The following LAMA5 variants were observed in gnomAD, a reference collection of about 807,000 sequenced individuals.
LAMA5 encodes the protein laminin subunit alpha 5.
A neutral mutation model predicts 433.4 loss-of-function variants in LAMA5; 260 were observed. The observed-to-expected ratio is 0.60, with a 90% CI of 0.54 to 0.66. The LOEUF is 0.66. Among genes scored for constraint, LAMA5 ranks in the 30% least tolerant of loss-of-function variants. The pLI is 0.00. For synonymous variants in LAMA5, 2,620 were observed against 2,226.6 expected (o/e 1.18, Z -4.97); for missense variants, 5,378 against 5,258.5 (o/e 1.02, Z -0.70).
At position 62,329,777 on chromosome 20, in the gene LAMA5, C is replaced by G; in HGVS notation, c.4119G>C (p.Leu1373=). Residue 1373 remains leucine, a splice_region_variant and synonymous_variant, in exon 32 of 80, where the codon CTG becomes CTC. Transcript: ENST00000252999. The part of the protein sequence containing the change: ...VRVPKGRWLW[L]DYVLVVPENV... ...GAGCAGGACATCAGCTGGGACTCAC[C>G]AGCCAGAGCCACCGGCCCTTGGGCA... 6.2e-7 allele frequency: 1 copy of G among 1,612,302 alleles called. No individual in the cohort carries two copies. The highest frequency in any genetic ancestry group is 8.5e-7 in the Non-Finnish European group (1 of 1,179,728).
rs559242884 is a variant in LAMA5 at position 62,336,967 on chromosome 20, G to T, written c.2165-181C>A. The T allele has an allele frequency of 6.4e-5, 45 of 704,530 alleles. 1 individual carries two copies. The African/African-American group carries it at 7.5e-4, about 12-fold the overall frequency. 43.6% of individuals were successfully genotyped at this position (704,530 alleles called of 1,614,324 possible). On this transcript the variant is annotated intron_variant, in intron 16 of 79. Coordinates refer to ENST00000252999, the MANE Select transcript of LAMA5 (RefSeq NM_005560.6). The stretch of plus-strand genomic sequence containing the variant: ...CTGCTCCCTCCGCAGCAACGGACGT[G>T]CCATCCCACCACACAGCACCTGCTC...
rs760649227 is a variant in LAMA5 at position 62,335,201 on chromosome 20, T to G, written c.2376+16A>C. 3.7e-6 allele frequency: 6 copies of G among 1,612,740 alleles called. No individual in the cohort carries two copies. The highest frequency in any genetic ancestry group is 5.1e-6 in the Non-Finnish European group (6 of 1,179,544). Reference sequence around the variant, plus strand: ...GTGTGCCCCCAAATCCCCCACACCTTGGTCCTCAGACTCACCGGCTGGCAC... The same window carrying G: ...GTGTGCCCCCAAATCCCCCACACCTGGGTCCTCAGACTCACCGGCTGGCAC... On this transcript the variant is annotated intron_variant, in intron 19 of 79. Transcript: ENST00000252999.
In LAMA5 at chr20:62,312,037, T is replaced by C; in HGVS notation, c.9518A>G (p.Gln3173Arg). ...CACACGGCCCTGCTGCAGGGACACC[T>C]GGCATAGCCCATCCTGGGGACGGCA... ...YYRASPDGLCQVSLQQGRVSL... is the reference protein window; with the variant it reads ...YYRASPDGLCRVSLQQGRVSL... Residue 3173 changes from glutamine (Q) to arginine (R), a missense_variant, in exon 70 of 80, where the codon CAG becomes CGG. Physicochemically the swap from Gln to Arg is conservative, Grantham distance 43. Transcript: ENST00000252999. 1.2e-6 allele frequency: 2 copies of C among 1,612,156 alleles called. No homozygotes were observed. The highest frequency in any genetic ancestry group is 1.3e-5 in the African/African-American group (1 of 75,036).
intron 26 of LAMA5, 117 bp downstream of exon 26, chr20:62,332,973 G>C: frequency 1.5e-6 from 2 of 1,291,392 alleles, no homozygotes; most frequent in South Asian, 1.7e-5. Context: ...CTGGGTGCTG[G>C]GCTCCATTGC....
At chr20:62,336,148 C>T (rs1981584449) in intron 18 of LAMA5, among the ~76,000 whole-genome samples, 192 bp downstream of exon 18, 1 of 150,806 alleles carries the variant, frequency 6.6e-6, no homozygotes. Context: ...ACCCCGCACC[C>T]CAACATTCCC....
intron 40 of LAMA5, 86 bp from the exon 41 acceptor site, chr20:62,325,632 G>A (rs1478869491): frequency 1.2e-5 from 10 of 857,076 alleles, no homozygotes; most frequent in Non-Finnish European, 1.8e-5. Flanking sequence ...ACCCTGTAGG[G>A]GATGGAGGGG....
rs1985715676 is a variant in LAMA5 at position 62,359,476 on chromosome 20, CCTG to C, written c.450+2921_450+2923del. Among the ~76,000 whole-genome samples, 1 of 8,182 alleles carries C rather than the reference CCTG, an allele frequency of 1.2e-4. No individual in the cohort carries two copies. Among genetic ancestry groups the C allele is most frequent in the Non-Finnish European group, 3.1e-4 (1 of 3,222 alleles). The allele number at this position is 8,182 out of a possible 152,430, so 5.4% of individuals were successfully genotyped here. On this transcript the variant is annotated intron_variant, in intron 2 of 79. Transcript: ENST00000252999. The surrounding 1 kb of genome is among the most constrained non-coding windows in gnomAD (Gnocchi z 4.3). Reference sequence around the variant, plus strand: ...ATGAACGCGCTCACCCTTCCCTGGGCCTGGGGCCTGGGGCCTGGGGCCTGGGTG... The same window carrying C: ...ATGAACGCGCTCACCCTTCCCTGGGCGGGCCTGGGGCCTGGGGCCTGGGTG...
intron 55 of LAMA5, 117 bp downstream of exon 55, chr20:62,317,228 C>T: frequency 2.4e-6 from 3 of 1,271,158 alleles, no homozygotes; most frequent in East Asian, 5.3e-5. Context: ...GAAGGCCTGG[C>T]TTCTTTGAGG....
intron 71 of LAMA5, 37 bp from the exon 72 acceptor site, chr20:62,311,573 G>A (rs759692469): frequency 5.6e-6 from 9 of 1,609,758 alleles, no homozygotes; most frequent in African/African-American, 5.3e-5. Flanking sequence ...AGCTGCGGAA[G>A]GCCAGCTGGG....
chr20:62,333,116 G>A lies in LAMA5; in HGVS notation c.3256C>T (p.Pro1086Ser). 6.8e-7 allele frequency: 1 copy of A among 1,470,918 alleles called. No homozygotes were observed. The highest frequency in any genetic ancestry group is 2.4e-5 in the East Asian group (1 of 41,034). 91.1% of individuals were successfully genotyped at this position (1,470,918 alleles called of 1,614,324 possible). Residue 1086 changes from proline to serine, a missense_variant, in exon 26 of 80, where the codon CCA becomes TCA. Physicochemically the swap from Pro to Ser is moderately conservative, Grantham distance 74 (BLOSUM62 -1). Transcript: ENST00000252999. Reference protein sequence around the residue: ...PTEQLSPSHPPLITCTGSDVD... With the variant: ...PTEQLSPSHPSLITCTGSDVD... ...TCACTGCCCGTGCAGGTGATCAGTG[G>A]CGGGTGCGACGGGCTGAGCTGCTCC...
In LAMA5 at chr20:62,311,547, C is replaced by T. The variant is rs748853334; in HGVS notation, c.9807-11G>A. 70 of 1,609,304 alleles carry T rather than the reference C, an allele frequency of 4.3e-5. No homozygotes were observed. Among genetic ancestry groups the T allele is most frequent in the East Asian group, 1.6e-4 (7 of 44,800 alleles). ...TGTGGGCCCAGGAGCCTGTGCAGGG[C>T]GGGCAGGCGGTCAGCAGCTGCGGAA... is the stretch of plus-strand genomic sequence containing the variant. On this transcript the variant is annotated splice_polypyrimidine_tract_variant and intron_variant, in intron 71 of 79. Coordinates refer to ENST00000252999, the MANE Select transcript of LAMA5 (RefSeq NM_005560.6).
rs1404876254 is a variant in LAMA5, at chr20:62,333,920, C to A, written c.2859G>T (p.Arg953Ser). The A allele has an allele frequency of 3.7e-5, 60 of 1,605,312 alleles. No individual in the cohort carries two copies. Among genetic ancestry groups the A allele is most frequent in the Non-Finnish European group, 4.9e-5 (58 of 1,175,218 alleles). Residue 953 changes from arginine (R) to serine (S), a missense_variant, in exon 23 of 80, where the codon AGG (arginine) becomes AGT (serine). By Grantham distance (110) the Arg-to-Ser change is moderately radical. Coordinates refer to ENST00000252999, the MANE Select transcript of LAMA5 (RefSeq NM_005560.6). ...SGRVSVREEG[R>S]SATCANCTAQ... The stretch of plus-strand genomic sequence containing the variant: ...ACTCACAGTTGGCGCAGGTGGCCGA[C>A]CTGCCCTCCTCTCGCACAGAGACCC...
intron 57 of LAMA5, 52 bp from the exon 58 acceptor site, chr20:62,316,110 T>C (rs779581163): frequency 1.1e-5 from 14 of 1,283,914 alleles, no homozygotes; most frequent in Admixed American, 1.9e-5. Flanking sequence ...CAGTATACAA[T>C]TGCAGCCCAC....
Position 62,324,421 on chromosome 20 carries a change from C to G in LAMA5, c.5643+20G>C. Reference sequence around the variant, plus strand: ...CCTTCAGTGAATGCTGCCCCCCTGGCCCCACCAGCCCCTACTCACCACACA... The same window carrying G: ...CCTTCAGTGAATGCTGCCCCCCTGGGCCCACCAGCCCCTACTCACCACACA... On this transcript the variant is annotated intron_variant, in intron 42 of 79. Coordinates refer to ENST00000252999, the MANE Select transcript of LAMA5 (RefSeq NM_005560.6). This position sits in a 1 kb window ranked among gnomAD's most constrained non-coding sequence, Gnocchi z 4.4. 2 of 1,584,810 alleles carry G rather than the reference C, an allele frequency of 1.3e-6. No homozygotes were observed. Among genetic ancestry groups the G allele is most frequent in the Non-Finnish European group, 1.7e-6 (2 of 1,157,352 alleles).
In LAMA5 at chr20:62,338,591, C is replaced by A. The variant is rs1041693603; in HGVS notation, c.1495G>T (p.Ala499Ser). 8 of 1,610,040 alleles carry A rather than the reference C, an allele frequency of 5.0e-6. No homozygotes were observed. In the Admixed American group the frequency reaches 1.2e-4, roughly 24 times the overall value. The change falls in exon 12 of 80, where the codon GCA becomes TCA. Residue 499 changes from alanine to serine, a missense_variant. By Grantham distance (99) the Ala-to-Ser change is moderately conservative. Coordinates refer to ENST00000252999, the MANE Select transcript of LAMA5 (RefSeq NM_005560.6). ...GQIVNCDCSA[A>S]GTQGNACRKD... ...CGGCAGGCGTTGCCCTGGGTCCCTG[C>A]CGCGCTGCAGTCACAATCTGGAGGG...
rs769234411 is a variant in LAMA5, at chr20:62,310,689, G to A, written c.10422C>T (p.Ala3474=). ...CCGGAAGTTTGGAGCTGTGGCTGCT[G>A]GCCGGGAGGCCGCCCACAAAGAGGG... ...PHTLFVGGLP[A]SSHSSKLPVT... Residue 3474 remains alanine, a synonymous_variant, in exon 75 of 80, where the codon GCC becomes GCT. Transcript: ENST00000252999. The A allele has an allele frequency of 8.1e-6, 13 of 1,602,320 alleles. No individual in the cohort carries two copies. The highest frequency in any genetic ancestry group is 8.5e-6 in the Non-Finnish European group (10 of 1,178,066).
At chr20:62,345,433 G>C (rs1180360576) in intron 11 of LAMA5, 1 of 310,134 alleles carries the variant, frequency 3.2e-6, no homozygotes, top group East Asian at 8.4e-5. Context: ...TTGAAACAAG[G>C]TCTCACTCTG....
chr20:62,355,066 G>C (rs1984974910), intron 2 of LAMA5, among the ~76,000 whole-genome samples: 1 of 152,210 alleles, frequency 6.6e-6, no homozygotes, highest in East Asian at 1.9e-4. Flanking sequence ...TGGAGACCTT[G>C]GGAGACCTCA....
At chr20:62,351,310 C>A in intron 6 of LAMA5, 1 of 297,006 alleles carries the variant, frequency 3.4e-6, no homozygotes. Context: ...GTAGTGGGCA[C>A]CTGTCCATTC....
Sources: allele counts gnomAD v4.1 joint callset (sites outside exome capture counted in the v4.1 genomes callset), GRCh38; gene constraint gnomAD v4.1.1; non-coding constraint Gnocchi (gnomAD v3.1); transcripts MANE v1.5; gene names NCBI Gene and HGNC (gene_info 2026-07-23, HGNC 2026-07-21).